CEP290: variants seen among roughly 807,000 people sequenced by gnomAD.
The protein encoded by CEP290 is centrosomal protein of 290 kDa.
Under a neutral mutation model 344.9 loss-of-function variants are expected in CEP290, and 317 were observed. The observed-to-expected ratio is 0.92, with a 90% CI of 0.84 to 1.01. The LOEUF is 1.01. Among genes scored for constraint, CEP290 ranks in the 50% least tolerant of loss-of-function variants. The probability of loss-of-function intolerance (pLI) is 0.00; values close to 1 mark genes in which losing one functional copy is unlikely to be tolerated. For synonymous variants in CEP290, 932 were observed against 895.8 expected, an observed-to-expected ratio of 1.04 and a Z score of -0.72; for missense variants, 2,754 against 2,761.4, an observed-to-expected ratio of 1.00 and a Z score of 0.06.
At chr12:88,122,748 T>C (rs1363845741) in intron 13 of CEP290, among the ~76,000 whole-genome samples, 4 of 152,174 alleles carry the variant, frequency 2.6e-5, no homozygotes, top group Non-Finnish European at 5.9e-5. Flanking sequence ...CAGTTTAAAC[T>C]ACTTTCAAAG....
chr12:88,130,452 A>G (rs2039996848), intron 8 of CEP290, 32 bp from the exon 9 acceptor site: 3 of 1,599,204 alleles, frequency 1.9e-6, no homozygotes, highest in Non-Finnish European at 2.6e-6. Flanking sequence ...ATTCAATTAC[A>G]AAACTATTCA....
In CEP290 at chr12:88,107,100, T is replaced by C; in HGVS notation, c.2484-2A>G. 1 of 1,500,650 alleles carries C rather than the reference T, an allele frequency of 6.7e-7. No homozygotes were observed. The highest frequency in any genetic ancestry group is 9.0e-7 in the Non-Finnish European group (1 of 1,117,292). The allele number at this position is 1,500,650 out of a possible 1,614,324, so 93.0% of individuals were successfully genotyped here. On this transcript the variant is annotated splice_acceptor_variant, in intron 23 of 53. Transcript: ENST00000552810. LOFTEE classifies it high-confidence loss of function. ...TCTGTTTTCCAGGTCTCCTTTTCAC[T>C]AAAAACAAAACAAAACAAAAAGACA...
rs1565897426 is a variant in CEP290, at chr12:88,118,620, AATC to A, written c.1623+20_1623+22del. ...TTCTCTATAGTTCAGCCAAGAAAAT[AATC>A]AACTGACTACCACACTTGCCTCTTT... On this transcript the variant is annotated intron_variant, in intron 16 of 53. Transcript: ENST00000552810. 1.2e-6 allele frequency: 2 copies of A among 1,611,258 alleles called. No homozygotes were observed. Among genetic ancestry groups the A allele is most frequent in the Non-Finnish European group, 1.7e-6 (2 of 1,177,738 alleles).
rs147646195 is a variant in CEP290 at position 88,108,178 on chromosome 12, C to A, written c.2483+888G>T. On this transcript the variant is annotated intron_variant, in intron 23 of 53. Transcript: ENST00000552810. Reference sequence around the variant, plus strand: ...CTGTTGTCTACACATGAGCATTCCACAAACATGTGTAATGTTCTTGGCATA... The same window carrying A: ...CTGTTGTCTACACATGAGCATTCCAAAAACATGTGTAATGTTCTTGGCATA... Among the ~76,000 whole-genome samples, 123 of 152,210 alleles carry A rather than the reference C, an allele frequency of 8.1e-4. 2 individuals carry two copies. In the East Asian group the frequency reaches 0.021, roughly 26 times the overall value.
chr12:88,051,864 T>A (rs1450573914), intron 52 of CEP290: 1 of 152,170 alleles, frequency 6.6e-6, no homozygotes, highest in African/African-American at 2.4e-5. Context: ...CTATGAGACA[T>A]ATTTTGAGAG....
At chr12:88,139,972 T>A (rs2040554431) in intron 3 of CEP290, among the ~76,000 whole-genome samples, 1 of 152,140 alleles carries the variant, frequency 6.6e-6, no homozygotes, top group African/African-American at 2.4e-5. Flanking sequence ...TCCAGGCTAG[T>A]CTTGAACTCC....
chr12:88,074,258 G>C (rs2035597098), intron 41 of CEP290, among the ~76,000 whole-genome samples: 2 of 152,064 alleles, frequency 1.3e-5, no homozygotes. Context: ...CTAAGTGGTT[G>C]ATAGTTATTA....
At chr12:88,077,650 C>A in intron 40 of CEP290, 47 bp downstream of exon 40, 1 of 1,099,214 alleles carries the variant, frequency 9.1e-7, no homozygotes, top group Non-Finnish European at 1.3e-6. Flanking sequence ...TAAACTACTA[C>A]CTCTATATTG....
chr12:88,141,575 G>A lies in CEP290; in HGVS notation c.-27-241C>T, dbSNP rs531030340. ...GGCTTCCTTGCTAACACTAATCTAA[G>A]TTAATACTTAAGATTTCTGGATCCC... On this transcript the variant is annotated intron_variant, in intron 1 of 53. Transcript: ENST00000552810. Among the ~76,000 whole-genome samples, 15 of 152,172 alleles carry A rather than the reference G, an allele frequency of 9.9e-5. No homozygotes were observed. The South Asian group carries it at 2.9e-3, about 29-fold the overall frequency.
chr12:88,102,665 T>A (rs1592573521), intron 26 of CEP290, among the ~76,000 whole-genome samples, 173 bp downstream of exon 26: 1 of 151,978 alleles, frequency 6.6e-6, no homozygotes, highest in Non-Finnish European at 1.5e-5. Context: ...GTGTGTTATG[T>A]GGGAACAAAA....
intron 29 of CEP290, among the ~76,000 whole-genome samples, chr12:88,091,820 G>A (rs528560742): frequency 1.3e-5 from 2 of 152,184 alleles, no homozygotes; most frequent in Admixed American, 6.5e-5. Flanking sequence ...TTAACTAAGT[G>A]CTCCTTATAC....
chr12:88,051,806 A>C (rs1473948039), intron 52 of CEP290: 1 of 152,162 alleles, frequency 6.6e-6, no homozygotes, highest in Non-Finnish European at 1.5e-5. Context: ...AATTTTCCTC[A>C]CATCAACAGC....
In CEP290 at chr12:88,118,575, A is replaced by G. The variant is rs142742071; in HGVS notation, c.1624-5T>C. The G allele has an allele frequency of 1.3e-3, 2,034 of 1,605,634 alleles. 30 individuals carry two copies. In the African/African-American group the frequency reaches 0.024, roughly 19 times the overall value. ...TTCTTCCTCTAGACTTTCAATCTGC[A>G]AAGTATAAATTATTAGTATTTCTCT... On this transcript the variant is annotated splice_region_variant and splice_polypyrimidine_tract_variant and intron_variant, in intron 16 of 53. Coordinates refer to ENST00000552810, the MANE Select transcript of CEP290 (RefSeq NM_025114.4).
At chr12:88,118,865 CTT>C in intron 15 of CEP290, 122 bp from the exon 16 acceptor site, 1 of 591,880 alleles carries the variant, frequency 1.7e-6, no homozygotes, top group African/African-American at 1.9e-5. Context: ...AATGAGGTAA[CTT>C]TCTGTGAAAG....
At chr12:88,084,494 GA>G (rs1271133593) in intron 35 of CEP290, 91 bp downstream of exon 35, 3 of 1,156,548 alleles carry the variant, frequency 2.6e-6, no homozygotes, top group East Asian at 4.7e-5. Context: ...TTGAAAGCAA[GA>G]AAAGAAATAC....
rs2036456808 is a variant in CEP290, at chr12:88,084,806, A to G, written c.4484T>C (p.Ile1495Thr). ...ESALRLAEQNILSRDKVINEL... is the reference protein window; with the variant it reads ...ESALRLAEQNTLSRDKVINEL... ...ATTGATTACTTTGTCTCTTGACAGT[A>G]TATTTTGTTCTGCTAACCTTAAAGC... is the stretch of plus-strand genomic sequence containing the variant. Residue 1495 changes from isoleucine (I) to threonine (T), a missense_variant, in exon 35 of 54, where the codon ATA becomes ACA. Ile to Thr is a moderately conservative substitution (Grantham distance 89). Transcript: ENST00000552810. The G allele has an allele frequency of 2.5e-6, 4 of 1,609,416 alleles. No individual in the cohort carries two copies. Among genetic ancestry groups the G allele is most frequent in the East Asian group, 2.2e-5 (1 of 44,838 alleles).
intron 37 of CEP290, 136 bp downstream of exon 37, chr12:88,082,895 C>T: frequency 1.8e-6 from 1 of 553,010 alleles, no homozygotes; most frequent in Non-Finnish European, 3.1e-6. Flanking sequence ...CATATGTAAC[C>T]AGCAGTCCTG....
chr12:88,070,029 A>G (rs969009776), intron 43 of CEP290, among the ~76,000 whole-genome samples: 1 of 152,188 alleles, frequency 6.6e-6, no homozygotes, highest in African/African-American at 2.4e-5. Context: ...TTAACACATG[A>G]TTTTATTTTG....
intron 12 of CEP290, among the ~76,000 whole-genome samples, chr12:88,125,838 A>G (rs532122024): frequency 1.3e-5 from 2 of 152,070 alleles, no homozygotes; most frequent in African/African-American, 4.8e-5. Context: ...GACTATAACT[A>G]CAGCACAAAT....
Sources: allele counts gnomAD v4.1 joint callset (sites outside exome capture counted in the v4.1 genomes callset), GRCh38; gene constraint gnomAD v4.1.1; transcripts MANE v1.5; gene names NCBI Gene and HGNC (gene_info 2026-07-23, HGNC 2026-07-21).